The following SMPD3 variants were observed in gnomAD, a reference collection of about 807,000 sequenced individuals.
SMPD3 encodes the protein nSMase-2.
A neutral mutation model predicts 55.7 loss-of-function variants in SMPD3; 21 were observed. That is an observed-to-expected ratio of 0.38 (90% CI 0.27 to 0.54). The LOEUF is 0.54. SMPD3 is among the 20% of genes least tolerant of loss of function. The pLI, the probability that SMPD3 is intolerant of heterozygous loss-of-function variation, is 0.80. For synonymous variants in SMPD3, 457 were observed against 404.3 expected, an observed-to-expected ratio of 1.13 and a Z score of -1.56; for missense variants, 842 against 899.6, an observed-to-expected ratio of 0.94 and a Z score of 0.82.
chr16:68,366,155 T>TGGCTGAG (rs1278622231), intron 3 of SMPD3, among the ~76,000 whole-genome samples: 2 of 152,236 alleles, frequency 1.3e-5, no homozygotes, highest in East Asian at 1.9e-4. Context: ...TCCCAGTTGT[T>TGGCTGAG]GGCTGAGGGC....
chr16:68,364,099 CCTCT>C (rs1408444216), intron 5 of SMPD3, among the ~76,000 whole-genome samples: 5 of 152,312 alleles, frequency 3.3e-5, no homozygotes, highest in Admixed American at 6.5e-5. Flanking sequence ...TTCAGCATTC[CCTCT>C]GAGGACAGTG....
Position 68,371,067 on chromosome 16 carries a change from G to A in SMPD3, c.1115C>T (p.Thr372Ile), listed in dbSNP as rs1436512210. The A allele has an allele frequency of 6.2e-7, 1 of 1,614,082 alleles. No homozygotes were observed. The highest frequency in any genetic ancestry group is 8.5e-7 in the Non-Finnish European group (1 of 1,180,054). Residue 372 changes from threonine (T) to isoleucine (I), a missense_variant, in exon 3 of 9, where the codon ACC (threonine) becomes ATC (isoleucine). Around this residue, in one of 2 missense-constraint regions of SMPD3, gnomAD observed 649 missense variants for 643.6 expected, o/e 1.01. Transcript: ENST00000219334. The stretch of plus-strand genomic sequence containing the variant: ...GCCGTGCAGCTGCTCTTTCAATTTG[G>A]TGGCTGCTCGCTTGTCAAACACCTC... ...LQEVFDKRAA[T>I]KLKEQLHGYF...
chr16:68,382,881 G>A (rs1460976925), intron 2 of SMPD3, among the ~76,000 whole-genome samples: 1 of 152,090 alleles, frequency 6.6e-6, no homozygotes, highest in African/African-American at 2.4e-5. Flanking sequence ...TCGCTCTGTC[G>A]CCCAGGCTGG....
At chr16:68,433,764 C>A (rs1232671139) in intron 1 of SMPD3, among the ~76,000 whole-genome samples, 1 of 152,128 alleles carries the variant, frequency 6.6e-6, no homozygotes, top group Non-Finnish European at 1.5e-5. Flanking sequence ...TATCTGCTGC[C>A]CTTGCTTGTT....
intron 1 of SMPD3, among the ~76,000 whole-genome samples, chr16:68,393,705 A>G (rs537728365): frequency 2.0e-5 from 3 of 152,290 alleles, no homozygotes; most frequent in African/African-American, 7.2e-5. Flanking sequence ...TTCTTCTTCA[A>G]TTGGTCCATT....
chr16:68,372,799 AG>A (rs1252766291), intron 2 of SMPD3, among the ~76,000 whole-genome samples: 1 of 152,146 alleles, frequency 6.6e-6, no homozygotes, highest in African/African-American at 2.4e-5. Flanking sequence ...TTAGAATGAG[AG>A]GGCAGGTGAC....
At chr16:68,363,298 C>T (rs1017627541) in intron 7 of SMPD3, among the ~76,000 whole-genome samples, 198 bp downstream of exon 7, 2 of 152,146 alleles carry the variant, frequency 1.3e-5, no homozygotes, top group African/African-American at 4.8e-5. Flanking sequence ...TACCCCTGGG[C>T]GTGAGGGCGT....
At chr16:68,384,175 G>A (rs573381853) in intron 2 of SMPD3, among the ~76,000 whole-genome samples, 3 of 152,184 alleles carry the variant, frequency 2.0e-5, no homozygotes, top group African/African-American at 4.8e-5. Flanking sequence ...GCCCTGACCC[G>A]AGCAGTCCCC....
At chr16:68,435,439 T>C (rs2090515150) in intron 1 of SMPD3, among the ~76,000 whole-genome samples, 1 of 152,158 alleles carries the variant, frequency 6.6e-6, no homozygotes, top group African/African-American at 2.4e-5. Flanking sequence ...TACAGGGCAA[T>C]TAGCAGCTTT....
intron 8 of SMPD3, 116 bp from the exon 9 acceptor site, chr16:68,361,423 C>G (rs549542823): frequency 1.5e-6 from 2 of 1,372,094 alleles, no homozygotes; most frequent in Admixed American, 1.9e-5. Flanking sequence ...CTGGGACCTT[C>G]CTGCAGTCAG....
intron 1 of SMPD3, among the ~76,000 whole-genome samples, chr16:68,422,288 G>T (rs560650697): frequency 6.6e-6 from 1 of 152,302 alleles, no homozygotes; most frequent in African/African-American, 2.4e-5. Context: ...TTTATCCTAG[G>T]TGAGGAAATA....
intron 1 of SMPD3, among the ~76,000 whole-genome samples, chr16:68,420,104 C>G (rs1461870533): frequency 6.6e-6 from 1 of 151,892 alleles, no homozygotes; most frequent in Non-Finnish European, 1.5e-5. Context: ...CCACCTGTCT[C>G]CCAAGTAGCT....
intron 1 of SMPD3, among the ~76,000 whole-genome samples, chr16:68,446,531 G>T (rs1381850957): frequency 6.7e-6 from 1 of 149,612 alleles, no homozygotes; most frequent in Admixed American, 6.6e-5. Flanking sequence ...AGCCCGAAGC[G>T]CAAGCTCTGG....
At chr16:68,372,954 C>T (rs557766411) in intron 2 of SMPD3, among the ~76,000 whole-genome samples, 13 of 152,294 alleles carry the variant, frequency 8.5e-5, no homozygotes, top group South Asian at 4.1e-4. Context: ...CAGGGGAGGG[C>T]GGTCCCCCTC....
intron 1 of SMPD3, among the ~76,000 whole-genome samples, chr16:68,425,354 G>T (rs1280453821): frequency 6.6e-6 from 1 of 152,226 alleles, no homozygotes; most frequent in Non-Finnish European, 1.5e-5. Context: ...ATGGGTGAAG[G>T]CAGGGGCAAG....
At chr16:68,369,101 C>T (rs1814057444) in intron 3 of SMPD3, 1 of 151,650 alleles carries the variant, frequency 6.6e-6, no homozygotes, top group African/African-American at 2.4e-5. Context: ...TCTGTAATCC[C>T]AGCTACTTGG....
chr16:68,425,887 G>A (rs921763061), intron 1 of SMPD3, among the ~76,000 whole-genome samples: 27 of 152,130 alleles, frequency 1.8e-4, no homozygotes, highest in African/African-American at 1.9e-4. Context: ...ACTATGCCGC[G>A]AGGAAGTCAA....
intron 5 of SMPD3, 33 bp downstream of exon 5, chr16:68,364,718 T>C (rs2089422877): frequency 6.3e-7 from 1 of 1,594,320 alleles, no homozygotes; most frequent in Admixed American, 1.7e-5. Context: ...TCCCCAGAGC[T>C]GGAGACCTGA....
intron 2 of SMPD3, among the ~76,000 whole-genome samples, chr16:68,376,881 A>G (rs1028021554): frequency 3.3e-5 from 5 of 152,238 alleles, no homozygotes; most frequent in Non-Finnish European, 7.3e-5. Context: ...GCAACCCTGC[A>G]CTAGTCAGGA....
Sources: allele counts gnomAD v4.1 joint callset (sites outside exome capture counted in the v4.1 genomes callset), GRCh38; gene constraint gnomAD v4.1.1; regional missense constraint gnomAD v4.1.1; transcripts MANE v1.5; gene names NCBI Gene and HGNC (gene_info 2026-07-23, HGNC 2026-07-21).